FCHSD2: variants seen among roughly 807,000 people sequenced by gnomAD.
The protein encoded by FCHSD2 is FCH and double SH3 domains 2.
In FCHSD2, 38 loss-of-function variants were observed where a neutral mutation model predicts 108.1. The ratio of observed to expected loss-of-function variants is 0.35; its 90% confidence interval spans 0.27 to 0.46. The LOEUF (loss-of-function observed/expected upper bound fraction) is 0.46, where lower values mean the gene tolerates loss of function less well. Ranked by LOEUF, FCHSD2 falls within the 20% of genes least tolerant of loss-of-function variation. The pLI is 1.00. For synonymous variants in FCHSD2, 279 were observed against 314.7 expected, an observed-to-expected ratio of 0.89 and a Z score of 1.20; for missense variants, 751 against 897.8, an observed-to-expected ratio of 0.84 and a Z score of 2.09.
At chr11:73,040,322 G>T (rs918193453) in intron 3 of FCHSD2, among the ~76,000 whole-genome samples, 2 of 152,140 alleles carry the variant, frequency 1.3e-5, no homozygotes, top group Admixed American at 6.6e-5. Context: ...ACAAAAAGAG[G>T]GGTGTTTTGT....
chr11:73,051,269 T>G (rs1345295307), intron 3 of FCHSD2, among the ~76,000 whole-genome samples: 1 of 152,126 alleles, frequency 6.6e-6, no homozygotes, highest in African/African-American at 2.4e-5. Context: ...GAGCCAAGAT[T>G]GCATTATTGC....
rs188786416 is a variant in FCHSD2 at position 72,964,705 on chromosome 11, C to T, written c.705+19383G>A. Among the ~76,000 whole-genome samples, 114 of 152,216 alleles carry T rather than the reference C, an allele frequency of 7.5e-4. 2 individuals carry two copies. In the Middle Eastern group the frequency reaches 0.01, roughly 14 times the overall value. On this transcript the variant is annotated intron_variant, in intron 8 of 19. Coordinates refer to ENST00000409418, the MANE Select transcript of FCHSD2 (RefSeq NM_014824.3). ...AGCCCCAGGTCTTTATGGTAATAGC[C>T]TTACTGGTATTCTTGCTATTAGTAT...
chr11:72,869,679 T>C (rs1047798962), intron 12 of FCHSD2: 4 of 152,214 alleles, frequency 2.6e-5, no homozygotes, highest in Admixed American at 6.5e-5. Flanking sequence ...GGGCATGGTA[T>C]TGATGATAGA....
intron 9 of FCHSD2, among the ~76,000 whole-genome samples, chr11:72,913,571 A>G (rs1170376691): frequency 1.3e-5 from 2 of 152,072 alleles, no homozygotes; most frequent in Non-Finnish European, 2.9e-5. Flanking sequence ...ACCCAGCCCT[A>G]TTTATCCATT....
At chr11:72,974,792 C>T (rs1857075277) in intron 8 of FCHSD2, among the ~76,000 whole-genome samples, 1 of 151,260 alleles carries the variant, frequency 6.6e-6, no homozygotes, top group Non-Finnish European at 1.5e-5. Context: ...TTACTCTCTC[C>T]AAGAAAGAGG....
At chr11:73,025,578 C>T (rs1467893327) in intron 3 of FCHSD2, among the ~76,000 whole-genome samples, 1 of 151,822 alleles carries the variant, frequency 6.6e-6, no homozygotes, top group Non-Finnish European at 1.5e-5. Context: ...TAATCTGTAC[C>T]ACAACCCCCG....
Position 72,974,105 on chromosome 11 carries a change from C to T in FCHSD2, c.705+9983G>A, listed in dbSNP as rs1240159137. 2.0e-5 allele frequency among the ~76,000 whole-genome samples: 3 copies of T among 151,660 alleles called. No individual in the cohort carries two copies. The East Asian group carries it at 5.8e-4, about 29-fold the overall frequency. ...GGATGGAAGAAAACAAAGTTTTGGT[C>T]CATTTTCTGTTGCTATAACAGAATA... On this transcript the variant is annotated intron_variant, in intron 8 of 19. Transcript: ENST00000409418.
intron 8 of FCHSD2, among the ~76,000 whole-genome samples, chr11:72,926,039 G>A (rs963649229): frequency 2.0e-5 from 3 of 152,190 alleles, no homozygotes; most frequent in Non-Finnish European, 2.9e-5. Flanking sequence ...ATCTGTTCCC[G>A]CTGCTTGGCC....
intron 4 of FCHSD2, among the ~76,000 whole-genome samples, chr11:73,002,044 G>A (rs1370116360): frequency 6.6e-6 from 1 of 152,140 alleles, no homozygotes; most frequent in African/African-American, 2.4e-5. Flanking sequence ...AATTCTGATA[G>A]ATTATAATAT....
chr11:72,986,568 C>T (rs1857316371), intron 6 of FCHSD2, among the ~76,000 whole-genome samples: 1 of 152,100 alleles, frequency 6.6e-6, no homozygotes, highest in African/African-American at 2.4e-5. Flanking sequence ...AAGTAAAGGC[C>T]ACAAACTCAA....
chr11:72,946,356 T>C (rs926049553), intron 8 of FCHSD2, among the ~76,000 whole-genome samples: 16 of 123,574 alleles, frequency 1.3e-4, no homozygotes, highest in Non-Finnish European at 3.1e-5. Flanking sequence ...TGAGAACACA[T>C]GGACATAGGA....
intron 8 of FCHSD2, among the ~76,000 whole-genome samples, chr11:72,965,837 T>A (rs1050714670): frequency 6.6e-5 from 10 of 152,214 alleles, no homozygotes; most frequent in Non-Finnish European, 1.0e-4. Flanking sequence ...TCTGTTGCTC[T>A]ACCTCATGAC....
chr11:72,838,533 G>A lies in FCHSD2; in HGVS notation c.*258C>T. On this transcript the variant is annotated 3_prime_UTR_variant, in exon 20 of 20. Transcript: ENST00000409418. ...CAGACCACTGTTAGGCATGAGGGCT[G>A]CCCCCCTCTTTGCTCCTAGGGTCCG... 1 of 528,076 alleles carries A rather than the reference G, an allele frequency of 1.9e-6. No individual in the cohort carries two copies. 32.7% of individuals were successfully genotyped at this position (528,076 alleles called of 1,614,324 possible).
intron 2 of FCHSD2, among the ~76,000 whole-genome samples, chr11:73,138,618 T>TC (rs1375481456): frequency 6.6e-6 from 1 of 150,722 alleles, no homozygotes; most frequent in African/African-American, 2.4e-5. Flanking sequence ...TTTTTTTTTT[T>TC]TTTTTTTTGA....
chr11:73,091,762 G>A (rs1859963915), intron 2 of FCHSD2, among the ~76,000 whole-genome samples: 1 of 151,150 alleles, frequency 6.6e-6, no homozygotes, highest in Admixed American at 6.6e-5. Context: ...AGCTGATGCT[G>A]GGCGTGGTGG....
chr11:72,927,118 C>T (rs73532992), intron 8 of FCHSD2, among the ~76,000 whole-genome samples: 5,125 of 152,156 alleles, frequency 0.034, 290 homozygotes, highest in African/African-American at 0.12. Context: ...TCTTCTTTTC[C>T]GGGTAGGCAA....
At chr11:73,123,692 C>T (rs1315280318) in intron 2 of FCHSD2, among the ~76,000 whole-genome samples, 1 of 152,070 alleles carries the variant, frequency 6.6e-6, no homozygotes, top group Non-Finnish European at 1.5e-5. Flanking sequence ...CATAACCATC[C>T]CCCTCCACCA....
rs386754904 is a variant in FCHSD2, at chr11:73,042,236, TAAAC to T, written c.166-26355_166-26352del. Among the ~76,000 whole-genome samples, 530 of 152,284 alleles carry T rather than the reference TAAAC, an allele frequency of 3.5e-3. 1 individual carries two copies. Among genetic ancestry groups the T allele is most frequent in the African/African-American group, 0.012 (508 of 41,562 alleles). ...CACTGCACCCGGCTGAGATTATTTT[TAAAC>T]TCTGGTGAAAGACAGGGGTCATTCT... is the stretch of plus-strand genomic sequence containing the variant. On this transcript the variant is annotated intron_variant, in intron 3 of 19. Coordinates refer to ENST00000409418, the MANE Select transcript of FCHSD2 (RefSeq NM_014824.3).
At chr11:72,992,381 A>G (rs1444084555) in intron 5 of FCHSD2, among the ~76,000 whole-genome samples, 2 of 152,188 alleles carry the variant, frequency 1.3e-5, no homozygotes, top group Non-Finnish European at 2.9e-5. Flanking sequence ...CAAGCTACCA[A>G]TGACTTTCTT....
Sources: allele counts gnomAD v4.1 joint callset (sites outside exome capture counted in the v4.1 genomes callset), GRCh38; gene constraint gnomAD v4.1.1; transcripts MANE v1.5; gene names NCBI Gene and HGNC (gene_info 2026-07-23, HGNC 2026-07-21).